TNKS: variants seen among roughly 807,000 people sequenced by gnomAD.
TNKS encodes the protein poly [ADP-ribose] polymerase tankyrase-1.
Under a neutral mutation model 135.8 loss-of-function variants are expected in TNKS, and 72 were observed. That is an observed-to-expected ratio of 0.53 (90% CI 0.44 to 0.64). The LOEUF is 0.64. Ranked by LOEUF, TNKS falls within the 30% of genes least tolerant of loss-of-function variation. TNKS has a pLI of 0.00. For missense variants in TNKS, 1,769 were observed against 1,674.0 expected, an observed-to-expected ratio of 1.06 and a Z score of -0.99; for synonymous variants, 849 against 649.3, an observed-to-expected ratio of 1.31 and a Z score of -4.68.
chr8:9,661,389 G>T (rs199850004), intron 3 of TNKS, among the ~76,000 whole-genome samples: 8 of 152,088 alleles, frequency 5.3e-5, no homozygotes, highest in Non-Finnish European at 8.8e-5. Flanking sequence ...AACAGAGATA[G>T]AGACCAATGG....
intron 1 of TNKS, among the ~76,000 whole-genome samples, chr8:9,578,877 C>T (rs1463907140): frequency 1.3e-5 from 2 of 152,092 alleles, no homozygotes; most frequent in South Asian, 2.1e-4. Flanking sequence ...CGAATATTTG[C>T]GGTTTCCTTT....
chr8:9,704,779 C>A (rs1803974183), intron 6 of TNKS, 22 bp downstream of exon 6: 1 of 1,586,890 alleles, frequency 6.3e-7, no homozygotes, highest in Middle Eastern at 1.7e-4. Context: ...AGTTTACTTC[C>A]TGTCAGTGCT....
chr8:9,667,620 AGTCT>A (rs1224318220), intron 3 of TNKS, among the ~76,000 whole-genome samples: 1 of 152,188 alleles, frequency 6.6e-6, no homozygotes, highest in Non-Finnish European at 1.5e-5. Context: ...TATCCTTCAT[AGTCT>A]GTCATTGATT....
chr8:9,609,833 G>C (rs979162709), intron 2 of TNKS, among the ~76,000 whole-genome samples: 3 of 152,084 alleles, frequency 2.0e-5, no homozygotes, highest in Admixed American at 6.5e-5. Context: ...TATAGGGATA[G>C]CACTGGTTAC....
intron 2 of TNKS, among the ~76,000 whole-genome samples, chr8:9,600,422 T>A (rs1798972794): frequency 6.6e-6 from 1 of 152,150 alleles, no homozygotes; most frequent in South Asian, 2.1e-4. Context: ...CAGGTGATCC[T>A]CCCACTTCAG....
chr8:9,762,162 G>T (rs989419575), intron 21 of TNKS, among the ~76,000 whole-genome samples: 4 of 152,056 alleles, frequency 2.6e-5, no homozygotes, highest in African/African-American at 9.7e-5. Flanking sequence ...CCACATGACT[G>T]TCAGCTTTGT....
intron 26 of TNKS, among the ~76,000 whole-genome samples, chr8:9,776,023 C>T (rs1018832857): frequency 1.3e-5 from 2 of 152,060 alleles, no homozygotes; most frequent in African/African-American, 2.4e-5. Context: ...GAACTCTTCC[C>T]ATTCCAGACA....
intron 3 of TNKS, among the ~76,000 whole-genome samples, chr8:9,640,557 T>C (rs1800688808): frequency 6.8e-6 from 1 of 146,330 alleles, no homozygotes; most frequent in South Asian, 2.2e-4. Context: ...GGATCCATTA[T>C]ATTCAAGAAC....
At chr8:9,608,587 G>A (rs1799325987) in intron 2 of TNKS, among the ~76,000 whole-genome samples, 1 of 152,094 alleles carries the variant, frequency 6.6e-6, no homozygotes, top group Admixed American at 6.5e-5. Flanking sequence ...GTTTTGTCCT[G>A]CACAGGTACA....
intron 1 of TNKS, among the ~76,000 whole-genome samples, chr8:9,573,846 A>G (rs1797848576): frequency 6.6e-6 from 1 of 152,210 alleles, no homozygotes; most frequent in Non-Finnish European, 1.5e-5. Context: ...GTTTAAAAAT[A>G]TTCCAAACAC....
At chr8:9,700,620 T>G (rs1326843307) in intron 5 of TNKS, among the ~76,000 whole-genome samples, 1 of 152,058 alleles carries the variant, frequency 6.6e-6, no homozygotes, top group Non-Finnish European at 1.5e-5. Context: ...TCTTTTTTTT[T>G]TTCTGTTGTT....
chr8:9,655,856 G>A (rs1311660190), intron 3 of TNKS, among the ~76,000 whole-genome samples: 1 of 152,104 alleles, frequency 6.6e-6, no homozygotes, highest in Non-Finnish European at 1.5e-5. Flanking sequence ...CCAAAGGAAC[G>A]CAGCTCCTCA....
At chr8:9,576,919 C>T (rs964536292) in intron 1 of TNKS, among the ~76,000 whole-genome samples, 6 of 151,592 alleles carry the variant, frequency 4.0e-5, no homozygotes, top group Admixed American at 3.3e-4. Flanking sequence ...AATATAGAAA[C>T]ACAAGTGTTT....
intron 20 of TNKS, among the ~76,000 whole-genome samples, chr8:9,759,491 T>TATCA (rs969066968): frequency 5.9e-5 from 9 of 152,250 alleles, no homozygotes; most frequent in African/African-American, 1.9e-4. Flanking sequence ...AGTGACTTGC[T>TATCA]ATCAGTCTTT....
chr8:9,621,315 T>G (rs1799857139), intron 3 of TNKS, among the ~76,000 whole-genome samples: 3 of 151,682 alleles, frequency 2.0e-5, no homozygotes, highest in Admixed American at 2.0e-4. Flanking sequence ...TGCTTTTTTT[T>G]TTTTTTGAGA....
chr8:9,774,204 T>C (rs1410504076), intron 26 of TNKS, among the ~76,000 whole-genome samples: 1 of 152,250 alleles, frequency 6.6e-6, no homozygotes, highest in Non-Finnish European at 1.5e-5. Context: ...AGGTGTTCTC[T>C]GCTCATTGGT....
chr8:9,609,337 A>G (rs1264194565), intron 2 of TNKS, among the ~76,000 whole-genome samples: 2 of 152,160 alleles, frequency 1.3e-5, no homozygotes, highest in Non-Finnish European at 2.9e-5. Context: ...CCTTAAATCA[A>G]ATTCTAGGCT....
chr8:9,693,626 C>G (rs1453507505), intron 5 of TNKS, among the ~76,000 whole-genome samples: 1 of 151,834 alleles, frequency 6.6e-6, no homozygotes, highest in African/African-American at 2.4e-5. Context: ...AATACATATA[C>G]AATACTTTAT....
In TNKS at chr8:9,743,138, G is replaced by A. The variant is rs1180732067; in HGVS notation, c.2644-4886G>A. Among the ~76,000 whole-genome samples the A allele has an allele frequency of 5.3e-5, 8 of 152,270 alleles. No homozygotes were observed. The East Asian group carries it at 1.5e-3, about 29-fold the overall frequency. ...CTAGCCTGGCCACATATCATTTTGT[G>A]GAGTAGATTTTCTGTGGCATATCAT... is the stretch of plus-strand genomic sequence containing the variant. On this transcript the variant is annotated intron_variant, in intron 17 of 26. Transcript: ENST00000310430.
Sources: gnomAD v4.1 joint callset for allele counts (sites outside exome capture counted in the v4.1 genomes callset) on GRCh38, gnomAD v4.1.1 for gene constraint, MANE v1.5 for transcripts, NCBI Gene and HGNC (gene_info 2026-07-23, HGNC 2026-07-21) for gene names.